FNDC3A: variants seen among roughly 807,000 people sequenced by gnomAD.
FNDC3A encodes the protein fibronectin type III domain containing 3A.
In FNDC3A, 32 loss-of-function variants were observed where a neutral mutation model predicts 148.9. The ratio of observed to expected loss-of-function variants is 0.21; its 90% CI spans 0.16 to 0.29. The LOEUF (loss-of-function observed/expected upper bound fraction) is 0.29. Among genes scored for constraint, FNDC3A ranks in the 10% least tolerant of loss-of-function variants. The pLI is 1.00. For missense variants in FNDC3A, 1,191 were observed against 1,452.8 expected (o/e 0.82, Z 2.93); for synonymous variants, 472 against 473.6 (o/e 1.00, Z 0.04).
intron 2 of FNDC3A, among the ~76,000 whole-genome samples, chr13:49,072,382 TAAAA>T (rs142261810): frequency 4.6e-5 from 7 of 151,106 alleles, no homozygotes; most frequent in Non-Finnish European, 1.0e-4. Flanking sequence ...GTTAAAAAGT[TAAAA>T]AAAAAGAAAA....
intron 17 of FNDC3A, 46 bp downstream of exon 17, chr13:49,188,679 C>T (rs770733231): frequency 5.5e-6 from 7 of 1,262,100 alleles, no homozygotes; most frequent in Non-Finnish European, 8.1e-6. Flanking sequence ...TAAGTTTGGC[C>T]AAATGGGGTA....
intron 2 of FNDC3A, among the ~76,000 whole-genome samples, chr13:49,065,222 C>T (rs940517323): frequency 4.6e-5 from 7 of 152,154 alleles, no homozygotes; most frequent in African/African-American, 1.7e-4. Flanking sequence ...CTCTCTCTCC[C>T]CATCTCTGTG....
intron 2 of FNDC3A, among the ~76,000 whole-genome samples, chr13:49,051,537 T>C (rs1172228889): frequency 1.3e-5 from 2 of 152,224 alleles, no homozygotes; most frequent in East Asian, 3.8e-4. Flanking sequence ...TGCTGAGAAA[T>C]CTGCTGTTAA....
intron 19 of FNDC3A, among the ~76,000 whole-genome samples, chr13:49,196,265 G>A (rs892302790): frequency 4.6e-5 from 7 of 152,064 alleles, no homozygotes; most frequent in African/African-American, 1.7e-4. Context: ...TTGAAAAATT[G>A]ATGACAAGAA....
At chr13:49,063,680 C>A (rs1422549097) in intron 2 of FNDC3A, among the ~76,000 whole-genome samples, 4 of 152,132 alleles carry the variant, frequency 2.6e-5, no homozygotes, top group African/African-American at 7.2e-5. Context: ...AACAAAATAT[C>A]TTTAAACAAT....
At chr13:48,998,804 T>A (rs1952071728) in intron 1 of FNDC3A, among the ~76,000 whole-genome samples, 1 of 152,110 alleles carries the variant, frequency 6.6e-6, no homozygotes, top group Non-Finnish European at 1.5e-5. Context: ...GCTAAGAAGA[T>A]TAGCATGGGT....
chr13:49,029,598 A>C (rs575878327), intron 2 of FNDC3A, among the ~76,000 whole-genome samples: 1 of 152,324 alleles, frequency 6.6e-6, no homozygotes, highest in East Asian at 1.9e-4. Context: ...AGAACAGAAA[A>C]ATATAGAAAA....
At chr13:48,986,554 C>T (rs1414774323) in intron 1 of FNDC3A, among the ~76,000 whole-genome samples, 1 of 151,872 alleles carries the variant, frequency 6.6e-6, no homozygotes, top group Admixed American at 6.6e-5. Context: ...TGCCACCACA[C>T]CCGGCTAATT....
rs1012967373 is a variant in FNDC3A at position 49,015,229 on chromosome 13, T to G, written c.99+8940T>G. Among the ~76,000 whole-genome samples the G allele has an allele frequency of 8.4e-3, 1,280 of 152,246 alleles. 11 individuals carry two copies. Among genetic ancestry groups the G allele is most frequent in the African/African-American group, 0.027 (1,139 of 41,522 alleles). ...CACGATACTGATTCTTCCTACCCAT[T>G]AGCATGGAATGTTCTTCCATTTGTT... On this transcript the variant is annotated intron_variant, in intron 2 of 25. Coordinates refer to ENST00000492622, the MANE Select transcript of FNDC3A (RefSeq NM_001079673.2).
intron 6 of FNDC3A, among the ~76,000 whole-genome samples, chr13:49,136,804 A>G (rs781260751): frequency 1.2e-4 from 19 of 152,210 alleles, no homozygotes; most frequent in Non-Finnish European, 2.2e-4. Context: ...ATTTGATAGG[A>G]AAACTCAGAG....
chr13:49,161,423 C>T (rs1331536227), intron 8 of FNDC3A, among the ~76,000 whole-genome samples: 1 of 152,040 alleles, frequency 6.6e-6, no homozygotes, highest in African/African-American at 2.4e-5. Flanking sequence ...GACTGCAACC[C>T]CTGCTTTTTT....
At chr13:49,161,790 G>A (rs982886557) in intron 8 of FNDC3A, among the ~76,000 whole-genome samples, 10 of 152,072 alleles carry the variant, frequency 6.6e-5, no homozygotes, top group Non-Finnish European at 1.5e-4. Context: ...GCTCTTGTAG[G>A]GCAGGCCTGG....
rs550455924 is a variant in FNDC3A, at chr13:49,098,451, TTCA to T, written c.176-16199_176-16197del. On this transcript the variant is annotated intron_variant, in intron 3 of 25. Transcript: ENST00000492622. ...TCCTACTAAAATAACAAAAGAATGA[TTCA>T]TCATTGTTCATATTAGGCTGATACT... is the stretch of plus-strand genomic sequence containing the variant. Among the ~76,000 whole-genome samples the T allele has an allele frequency of 9.2e-5, 14 of 152,254 alleles. No individual in the cohort carries two copies. In the South Asian group the frequency reaches 2.7e-3, roughly 29 times the overall value.
At chr13:48,995,337 A>G (rs978876575) in intron 1 of FNDC3A, among the ~76,000 whole-genome samples, 1 of 151,504 alleles carries the variant, frequency 6.6e-6, no homozygotes, top group Non-Finnish European at 1.5e-5. Flanking sequence ...TAGCATAACA[A>G]TCTTAGTTGT....
At chr13:49,118,715 G>A (rs543948447) in intron 4 of FNDC3A, among the ~76,000 whole-genome samples, 213 of 152,272 alleles carry the variant, frequency 1.4e-3, no homozygotes, top group African/African-American at 5.0e-3. Context: ...AGTTTTCCCT[G>A]AGCAGTGTAA....
At chr13:49,193,770 C>T (rs1309944311) in intron 19 of FNDC3A, among the ~76,000 whole-genome samples, 2 of 151,692 alleles carry the variant, frequency 1.3e-5, no homozygotes, top group African/African-American at 2.4e-5. Flanking sequence ...AAATGCAAAA[C>T]TTAGCTGGGC....
intron 2 of FNDC3A, among the ~76,000 whole-genome samples, chr13:49,065,710 T>C (rs2137754048): frequency 6.6e-6 from 1 of 152,152 alleles, no homozygotes; most frequent in East Asian, 1.9e-4. Context: ...TGATTAAACA[T>C]GATGGTTTCT....
At chr13:49,043,095 A>G (rs1318405736) in intron 2 of FNDC3A, among the ~76,000 whole-genome samples, 1 of 150,468 alleles carries the variant, frequency 6.6e-6, no homozygotes, top group African/African-American at 2.4e-5. Flanking sequence ...AGCTGGGACT[A>G]TAAATGTGTG....
Position 49,168,736 on chromosome 13 carries a change from C to T in FNDC3A, c.1161C>T (p.Leu387=), listed in dbSNP as rs1884609713. The T allele has an allele frequency of 1.2e-6, 2 of 1,613,484 alleles. No individual in the cohort carries two copies. Among genetic ancestry groups the T allele is most frequent in the African/African-American group, 2.7e-5 (2 of 74,996 alleles). The change falls in exon 10 of 26, where the codon CTC becomes CTT. Residue 387 remains leucine, a synonymous_variant. Transcript: ENST00000492622. ...PRIANRTKNS[L]TLQWKAPSDN... ...TAGCCAATCGGACCAAAAATTCACT[C>T]ACTTTGCAATGGAAGGTAAGAATAT... is the stretch of plus-strand genomic sequence containing the variant.
Sources: gnomAD v4.1 joint callset for allele counts (sites outside exome capture counted in the v4.1 genomes callset) on GRCh38, gnomAD v4.1.1 for gene constraint, MANE v1.5 for transcripts, NCBI Gene and HGNC (gene_info 2026-07-23, HGNC 2026-07-21) for gene names.